HDAC1: variants seen among roughly 807,000 people sequenced by gnomAD.
The protein encoded by HDAC1 is histone deacetylase 1, also known as protein deacetylase HDAC1.
HDAC1 carries 18 observed loss-of-function variants against 65.5 expected under a neutral mutation model. The ratio of observed to expected loss-of-function variants is 0.27; its 90% CI spans 0.19 to 0.41. The LOEUF (loss-of-function observed/expected upper bound fraction) is 0.41, where lower values mean the gene tolerates loss of function less well. Among genes scored for constraint, HDAC1 ranks in the 10% least tolerant of loss-of-function variants. HDAC1 has a pLI of 1.00. For synonymous variants in HDAC1, 211 were observed against 227.9 expected (o/e 0.93, Z 0.67); for missense variants, 373 against 625.2 (o/e 0.60, Z 4.30).
intron 3 of HDAC1, among the ~76,000 whole-genome samples, chr1:32,317,672 A>G (rs180792606): frequency 3.3e-5 from 5 of 152,282 alleles, no homozygotes; most frequent in African/African-American, 1.2e-4. Context: ...TCCTTGAAGC[A>G]TTAAGCTTCT....
rs2148070360 is a variant in HDAC1, at chr1:32,327,083, C to T, written c.494+6C>T. On this transcript the variant is annotated splice_donor_region_variant and intron_variant, in intron 5 of 13. Coordinates refer to ENST00000373548, the MANE Select transcript of HDAC1 (RefSeq NM_004964.3). The surrounding 1 kb of genome is among the most constrained non-coding windows in gnomAD (Gnocchi z 6.0). ...GCCATCCTGGAACTGCTAAAGTATGCCTGCCTGGCCTTGTCTCTTGGAAGA... is the reference window on the plus strand; with the variant it reads ...GCCATCCTGGAACTGCTAAAGTATGTCTGCCTGGCCTTGTCTCTTGGAAGA... The T allele has an allele frequency of 6.2e-7, 1 of 1,613,672 alleles. No individual in the cohort carries two copies. Among genetic ancestry groups the T allele is most frequent in the South Asian group, 1.1e-5 (1 of 91,070 alleles).
Position 32,331,625 on chromosome 1 carries a change from CTT to C in HDAC1, c.1088+45_1088+46del, listed in dbSNP as rs747076698. ...CCACCCCTTGGTTGAACATTCCTGA[CTT>C]TGGTTTGTCCCTGACCAGAGCCCTG... is the stretch of plus-strand genomic sequence containing the variant. On this transcript the variant is annotated intron_variant, in intron 10 of 13. Coordinates refer to ENST00000373548, the MANE Select transcript of HDAC1 (RefSeq NM_004964.3). This position sits in a 1 kb window ranked among gnomAD's most constrained non-coding sequence, Gnocchi z 4.2. 3.7e-6 allele frequency: 6 copies of C among 1,613,242 alleles called. No homozygotes were observed. The highest frequency in any genetic ancestry group is 1.6e-4 in the Middle Eastern group (1 of 6,084).
At position 32,330,444 on chromosome 1, in the gene HDAC1, C is replaced by G; in HGVS notation, c.730-134C>G. 2.8e-6 allele frequency: 2 copies of G among 708,600 alleles called. No individual in the cohort carries two copies. The highest frequency in any genetic ancestry group is 2.1e-5 in the Admixed American group (1 of 47,154). 43.9% of individuals were successfully genotyped at this position (708,600 alleles called of 1,614,324 possible). A position where few individuals can be genotyped will look rare whatever the true frequency, so the allele number is the denominator to read the frequency against. ...AAGCAAGGGCTCCAGCCTAGCACTCCCTTTTCTCTCCCACATAGCATGAGG... is the reference window on the plus strand; with the variant it reads ...AAGCAAGGGCTCCAGCCTAGCACTCGCTTTTCTCTCCCACATAGCATGAGG... On this transcript the variant is annotated intron_variant, in intron 7 of 13. Coordinates refer to ENST00000373548, the MANE Select transcript of HDAC1 (RefSeq NM_004964.3). The surrounding 1 kb of genome is among the most constrained non-coding windows in gnomAD (Gnocchi z 4.2).
intron 1 of HDAC1, among the ~76,000 whole-genome samples, chr1:32,292,819 C>T (rs933264816): frequency 6.6e-6 from 1 of 151,932 alleles, no homozygotes; most frequent in Non-Finnish European, 1.5e-5. Flanking sequence ...TTGATCGGGT[C>T]ACCCTTCCCA....
intron 1 of HDAC1, 44 bp downstream of exon 1, chr1:32,292,262 G>T (rs746080323): frequency 6.5e-7 from 1 of 1,546,138 alleles, no homozygotes; most frequent in South Asian, 1.2e-5. Context: ...GGCCGGGCCG[G>T]ACCGGGAACC....
chr1:32,309,874 AG>A (rs1279954711), intron 2 of HDAC1, among the ~76,000 whole-genome samples: 2 of 151,922 alleles, frequency 1.3e-5, no homozygotes, highest in Non-Finnish European at 1.5e-5. Flanking sequence ...TGCAACCTAA[AG>A]GTTGAGTAGA....
At chr1:32,310,770 A>C (rs1400814723) in intron 2 of HDAC1, among the ~76,000 whole-genome samples, 2 of 151,912 alleles carry the variant, frequency 1.3e-5, no homozygotes, top group Non-Finnish European at 2.9e-5. Context: ...GAATTGCTTG[A>C]ATCTGGGAGG....
chr1:32,327,010 A>AAGAAGTCCGAGGC lies in HDAC1; in HGVS notation c.429_441dup (p.Ser148GlufsTer12), dbSNP rs1553158669. On this transcript the variant is annotated frameshift_variant, in exon 5 of 14. Coordinates refer to ENST00000373548, the MANE Select transcript of HDAC1 (RefSeq NM_004964.3). LOFTEE classifies it high-confidence loss of function. The surrounding 1 kb of genome is among the most constrained non-coding windows in gnomAD (Gnocchi z 6.0). The stretch of plus-strand genomic sequence containing the variant: ...TTGGGCTGGGGGCCTGCACCATGCA[A>AAGAAGTCCGAGGC]AGAAGTCCGAGGCATCTGGCTTCTG... 2 of 1,614,008 alleles carry AAGAAGTCCGAGGC rather than the reference A, an allele frequency of 1.2e-6. No homozygotes were observed. Among genetic ancestry groups the AAGAAGTCCGAGGC allele is most frequent in the Non-Finnish European group, 1.7e-6 (2 of 1,180,010 alleles).
At position 32,322,564 on chromosome 1, in the gene HDAC1, C is replaced by G. The variant is rs181749974; in HGVS notation, c.281-1915C>G. 1.4e-3 allele frequency among the ~76,000 whole-genome samples: 218 copies of G among 152,256 alleles called. 2 individuals carry two copies. Among genetic ancestry groups the G allele is most frequent in the East Asian group, 1.9e-3 (10 of 5,176 alleles). ...GATTACAGGTGTGAGCCACCGCGCC[C>G]GGCCAGTAGTTACCTTTTCTGTAAG... On this transcript the variant is annotated intron_variant, in intron 3 of 13. Coordinates refer to ENST00000373548, the MANE Select transcript of HDAC1 (RefSeq NM_004964.3).
rs142224807 is a variant in HDAC1 at position 32,301,172 on chromosome 1, C to T, written c.50-1449C>T. On this transcript the variant is annotated intron_variant, in intron 1 of 13. Transcript: ENST00000373548. ...CAGATTAAGAAAGTCCTTGGCCGGG[C>T]GCGGTGGCTCATGCCTGTAATCCCA... Among the ~76,000 whole-genome samples the T allele has an allele frequency of 5.2e-3, 790 of 152,042 alleles. 5 individuals are homozygous for T. Among genetic ancestry groups the T allele is most frequent in the African/African-American group, 0.018 (758 of 41,484 alleles).
chr1:32,293,914 A>AG (rs1193860625), intron 1 of HDAC1, among the ~76,000 whole-genome samples: 4 of 151,476 alleles, frequency 2.6e-5, no homozygotes, highest in African/African-American at 9.7e-5. Context: ...AAAAAAAAAA[A>AG]AAAATTAGCG....
At chr1:32,295,490 T>C (rs983254584) in intron 1 of HDAC1, among the ~76,000 whole-genome samples, 3 of 152,134 alleles carry the variant, frequency 2.0e-5, no homozygotes, top group Non-Finnish European at 4.4e-5. Context: ...GGTGCCAGCA[T>C]TTGGTGTCTG....
At chr1:32,293,118 C>T (rs1022007438) in intron 1 of HDAC1, among the ~76,000 whole-genome samples, 5 of 151,948 alleles carry the variant, frequency 3.3e-5, no homozygotes, top group African/African-American at 7.3e-5. Flanking sequence ...GTCAGGAGTT[C>T]GAGACCAGCC....
At chr1:32,311,062 A>C (rs917901741) in intron 2 of HDAC1, among the ~76,000 whole-genome samples, 53 of 152,336 alleles carry the variant, frequency 3.5e-4, no homozygotes, top group African/African-American at 1.3e-3. Flanking sequence ...CCAGAATCCA[A>C]GTCAAAAAAA....
chr1:32,332,904 T>G (rs908642478), intron 13 of HDAC1, 113 bp from the exon 14 acceptor site: 2 of 1,247,476 alleles, frequency 1.6e-6, no homozygotes, highest in African/African-American at 3.0e-5. Flanking sequence ...TAGGCAGAGC[T>G]AGGAGCCCCA....
In HDAC1 at chr1:32,331,465, C is replaced by T. The variant is rs745393126; in HGVS notation, c.980-9C>T. 1.3e-6 allele frequency: 2 copies of T among 1,542,816 alleles called. No homozygotes were observed. Among genetic ancestry groups the T allele is most frequent in the Non-Finnish European group, 1.8e-6 (2 of 1,115,320 alleles). ...GTCTCTTGACGGTCTTCTCTCCTGC[C>T]CCAATCAGAGCTTCCATACAATGAC... On this transcript the variant is annotated splice_polypyrimidine_tract_variant and intron_variant, in intron 9 of 13. Coordinates refer to ENST00000373548, the MANE Select transcript of HDAC1 (RefSeq NM_004964.3). This position sits in a 1 kb window ranked among gnomAD's most constrained non-coding sequence, Gnocchi z 4.2.
At position 32,306,930 on chromosome 1, in the gene HDAC1, C is replaced by T. The variant is rs1333680651; in HGVS notation, c.162+4197C>T. ...AACTAGGACAATTATAGCAATAAGC[C>T]GTTTACAGTTTCATGCATAGAAGAT... On this transcript the variant is annotated intron_variant, in intron 2 of 13. Coordinates refer to ENST00000373548, the MANE Select transcript of HDAC1 (RefSeq NM_004964.3). Among the ~76,000 whole-genome samples the T allele has an allele frequency of 2.6e-5, 4 of 151,834 alleles. No individual in the cohort carries two copies. In the East Asian group the frequency reaches 5.8e-4, roughly 22 times the overall value.
At chr1:32,332,853 A>G (rs1641315790) in intron 13 of HDAC1, 104 bp downstream of exon 13, 6 of 1,235,276 alleles carry the variant, frequency 4.9e-6, no homozygotes, top group East Asian at 2.5e-5. Flanking sequence ...CCAGCTTACA[A>G]AGGCCTCTTT....
chr1:32,315,290 T>C (rs1641044973), intron 2 of HDAC1, among the ~76,000 whole-genome samples: 1 of 152,150 alleles, frequency 6.6e-6, no homozygotes, highest in Non-Finnish European at 1.5e-5. Context: ...TACCCTTTTT[T>C]CGTGAACTCT....
Sources: gnomAD v4.1 joint callset for allele counts (sites outside exome capture counted in the v4.1 genomes callset) on GRCh38, gnomAD v4.1.1 for gene constraint, Gnocchi (gnomAD v3.1) non-coding constraint, MANE v1.5 for transcripts, NCBI Gene and HGNC (gene_info 2026-07-23, HGNC 2026-07-21) for gene names.